STK32A: variants seen among roughly 807,000 people sequenced by gnomAD.
STK32A encodes serine/threonine-protein kinase 32A.
In STK32A, 41 loss-of-function variants were observed where a neutral mutation model predicts 53.2. The observed-to-expected ratio is 0.77, with a 90% confidence interval of 0.60 to 1.00. STK32A has a LOEUF of 1.00. Among genes scored for constraint, STK32A ranks in the 50% least tolerant of loss-of-function variants. The pLI, the probability that STK32A is intolerant of heterozygous loss-of-function variation, is 0.00. For missense variants in STK32A, 458 were observed against 485.8 expected, an observed-to-expected ratio of 0.94 and a Z score of 0.54; for synonymous variants, 166 against 162.8, an observed-to-expected ratio of 1.02 and a Z score of -0.15.
intron 7 of STK32A, among the ~76,000 whole-genome samples, chr5:147,360,450 C>CAAAAAAAAAAA (rs56690647): frequency 2.5e-4 from 20 of 80,824 alleles, no homozygotes; most frequent in South Asian, 4.4e-4. Flanking sequence ...GATTCTGTCT[C>CAAAAAAAAAAA]AAAAAAAAAA....
intron 8 of STK32A, among the ~76,000 whole-genome samples, chr5:147,362,680 A>T (rs1180464312): frequency 2.0e-5 from 3 of 152,184 alleles, no homozygotes; most frequent in Non-Finnish European, 4.4e-5. Flanking sequence ...TATCAACTCT[A>T]AAGTCTGAAG....
chr5:147,257,056 G>A (rs1381851760), intron 2 of STK32A, among the ~76,000 whole-genome samples: 2 of 152,184 alleles, frequency 1.3e-5, no homozygotes, highest in Non-Finnish European at 2.9e-5. Context: ...GAGAGTTTGA[G>A]ATAATAACCT....
intron 2 of STK32A, among the ~76,000 whole-genome samples, chr5:147,261,082 G>A (rs1338476734): frequency 6.6e-6 from 1 of 152,096 alleles, no homozygotes; most frequent in Non-Finnish European, 1.5e-5. Context: ...CGCACTGGGT[G>A]GGTCTTGATT....
intron 4 of STK32A, among the ~76,000 whole-genome samples, chr5:147,296,378 G>T (rs950304962): frequency 2.6e-5 from 4 of 151,942 alleles, no homozygotes; most frequent in Non-Finnish European, 4.4e-5. Flanking sequence ...TTATATGTTG[G>T]CAGGCTTCTC....
At chr5:147,398,858 A>G in the STK32A span, among the ~76,000 whole-genome samples, 2 of 152,318 alleles carry the variant, frequency 1.3e-5, no homozygotes, top group African/African-American at 4.8e-5. Flanking sequence ...GGAAGCCTCT[A>G]TTGGCCTCTG....
At chr5:147,355,715 A>G (rs1756196866) in intron 7 of STK32A, among the ~76,000 whole-genome samples, 2 of 151,688 alleles carry the variant, frequency 1.3e-5, no homozygotes. Context: ...AATAAAAATA[A>G]AAATAAAACA....
intron 8 of STK32A, among the ~76,000 whole-genome samples, chr5:147,369,839 T>A (rs1201793644): frequency 6.6e-6 from 1 of 152,148 alleles, no homozygotes; most frequent in East Asian, 1.9e-4. Flanking sequence ...CTTGGTCTCA[T>A]GAACAAGAAT....
Position 147,301,135 on chromosome 5 carries a change from T to C in STK32A, c.260+21737T>C, listed in dbSNP as rs1317907726. On this transcript the variant is annotated intron_variant, in intron 4 of 12. Coordinates refer to ENST00000397936, the MANE Select transcript of STK32A (RefSeq NM_001112724.2). Reference sequence around the variant, plus strand: ...AGAGCTTGGAAAAATAGATTATGGGTGAAGGGAGAGAAAGAAAGTCCTGGG... The same window carrying C: ...AGAGCTTGGAAAAATAGATTATGGGCGAAGGGAGAGAAAGAAAGTCCTGGG... Among the ~76,000 whole-genome samples, 3 of 152,082 alleles carry C rather than the reference T, an allele frequency of 2.0e-5. No homozygotes were observed. The East Asian group carries it at 5.8e-4, about 29-fold the overall frequency.
chr5:147,247,578 G>A (rs1753812022), intron 2 of STK32A, among the ~76,000 whole-genome samples: 1 of 152,106 alleles, frequency 6.6e-6, no homozygotes, highest in Admixed American at 6.5e-5. Context: ...ATTACTTAAA[G>A]CAGAGTTGGC....
chr5:147,395,288 C>T, the STK32A span, among the ~76,000 whole-genome samples: 4 of 152,236 alleles, frequency 2.6e-5, no homozygotes, highest in Non-Finnish European at 5.9e-5. Flanking sequence ...CTCCCCGACC[C>T]TGCCCCCAAC....
chr5:147,303,834 TGAA>T (rs1289073329), intron 4 of STK32A, among the ~76,000 whole-genome samples: 42 of 152,170 alleles, frequency 2.8e-4, no homozygotes, highest in African/African-American at 8.2e-4. Flanking sequence ...GCACAGTTTC[TGAA>T]GAAGAACTTA....
rs150889010 is a variant in STK32A at position 147,375,248 on chromosome 5, A to C, written c.1032+30A>C. 192 of 1,604,878 alleles carry C rather than the reference A, an allele frequency of 1.2e-4. 1 individual carries two copies. The African/African-American group carries it at 2.4e-3, about 20-fold the overall frequency. On this transcript the variant is annotated intron_variant, in intron 11 of 12. Coordinates refer to ENST00000397936, the MANE Select transcript of STK32A (RefSeq NM_001112724.2). ...GCAGGTCCCCACCAAACTCAGGGTC[A>C]TGGGTATCCCCATGATGGCTGCAAT...
intron 4 of STK32A, among the ~76,000 whole-genome samples, chr5:147,322,588 T>C (rs1754372221): frequency 6.6e-6 from 1 of 152,264 alleles, no homozygotes; most frequent in South Asian, 2.1e-4. Context: ...TGGGCACTGC[T>C]TGCAGGCACT....
chr5:147,384,279 T>A lies in STK32A; in HGVS notation c.*296T>A. ...ACTAGACGAGCCATACCCTGCCTTT[T>A]TAGTGCTATAGTTGTTATTCTAAAC... is the stretch of plus-strand genomic sequence containing the variant. On this transcript the variant is annotated 3_prime_UTR_variant, in exon 13 of 13. Transcript: ENST00000397936. The A allele has an allele frequency of 7.4e-7, 1 of 1,346,842 alleles. No individual in the cohort carries two copies. 83.4% of individuals were successfully genotyped at this position (1,346,842 alleles called of 1,614,324 possible). A position where few individuals can be genotyped will look rare whatever the true frequency, so the allele number is the denominator to read the frequency against.
chr5:147,288,870 G>T (rs1210414086), intron 4 of STK32A, among the ~76,000 whole-genome samples: 2 of 152,136 alleles, frequency 1.3e-5, no homozygotes, highest in Non-Finnish European at 2.9e-5. Context: ...AAGTCACATG[G>T]TTATAAGATA....
intron 2 of STK32A, among the ~76,000 whole-genome samples, chr5:147,254,856 C>G (rs1187345391): frequency 6.6e-6 from 1 of 152,080 alleles, no homozygotes; most frequent in African/African-American, 2.4e-5. Context: ...AAGTAGAAGG[C>G]AGGCTGGGCG....
intron 2 of STK32A, among the ~76,000 whole-genome samples, chr5:147,244,279 T>G (rs563810067): frequency 6.6e-6 from 1 of 152,254 alleles, no homozygotes; most frequent in East Asian, 1.9e-4. Flanking sequence ...GTTTATCTTT[T>G]CATTAGTTGA....
chr5:147,370,666 A>T lies in STK32A; in HGVS notation c.673A>T (p.Ile225Phe). Residue 225 changes from isoleucine (I) to phenylalanine (F), a missense_variant, in exon 9 of 13, where the codon ATT (isoleucine) becomes TTT (phenylalanine). Ile to Phe is a conservative substitution (Grantham distance 21, BLOSUM62 0). Transcript: ENST00000397936. ...ELLRGRRPYH[I>F]RSSTSSKEIV... ...TTTCTCCCTTAAGAGACCGTATCAT[A>T]TTCGCTCCAGTACTTCCAGCAAGGA... The T allele has an allele frequency of 6.2e-7, 1 of 1,610,860 alleles. No individual in the cohort carries two copies. Among genetic ancestry groups the T allele is most frequent in the Non-Finnish European group, 8.5e-7 (1 of 1,177,446 alleles).
At chr5:147,397,911 T>A in the STK32A span, 2 of 1,420,568 alleles carry the variant, frequency 1.4e-6, no homozygotes, top group Non-Finnish European at 1.9e-6. Context: ...CCTTCTCTCC[T>A]TGAGACCTTC....
Sources: allele counts gnomAD v4.1 joint callset (sites outside exome capture counted in the v4.1 genomes callset), GRCh38; gene constraint gnomAD v4.1.1; transcripts MANE v1.5; gene names NCBI Gene and HGNC (gene_info 2026-07-23, HGNC 2026-07-21).